The following APLP1 variants were observed in gnomAD, a reference collection of about 807,000 sequenced individuals.
APLP1 encodes the protein amyloid beta (A4) precursor-like protein 1.
A neutral mutation model predicts 84.5 loss-of-function variants in APLP1; 46 were observed. The observed-to-expected ratio is 0.54, with a 90% CI of 0.43 to 0.70. The LOEUF (loss-of-function observed/expected upper bound fraction) is 0.70, where lower values mean the gene tolerates loss of function less well. Ranked by LOEUF, APLP1 falls within the 30% of genes least tolerant of loss-of-function variation. The pLI, the probability that APLP1 is intolerant of heterozygous loss-of-function variation, is 0.00. For missense variants in APLP1, 826 were observed against 900.2 expected (o/e 0.92, Z 1.05); for synonymous variants, 376 against 364.0 (o/e 1.03, Z -0.38).
chr19:35,874,819 C>T lies in APLP1; in HGVS notation c.1294C>T (p.Gln432Ter). The change falls in exon 10 of 17, where the codon CAG becomes TAG. Residue 432 changes from glutamine (Q) to a stop codon, truncating the protein, a stop_gained. Coordinates refer to ENST00000221891, the MANE Select transcript of APLP1 (RefSeq NM_001024807.3). LOFTEE classifies it high-confidence loss of function. The surrounding 1 kb of genome is among the most constrained non-coding windows in gnomAD (Gnocchi z 6.4). ...KEQRHTLRHY[Q>*]HVAAVDPEKA... Reference sequence around the variant, plus strand: ...ACAGAGGCACACGCTGCGCCACTACCAGCATGTGGCCGCCGTGGATCCCGA... The same window carrying T: ...ACAGAGGCACACGCTGCGCCACTACTAGCATGTGGCCGCCGTGGATCCCGA... 1 of 1,612,446 alleles carries T rather than the reference C, an allele frequency of 6.2e-7. No homozygotes were observed. The highest frequency in any genetic ancestry group is 8.5e-7 in the Non-Finnish European group (1 of 1,180,010).
At chr19:35,877,601 C>T in intron 11 of APLP1, 117 bp from the exon 12 acceptor site, 1 of 653,458 alleles carries the variant, frequency 1.5e-6, no homozygotes, top group Non-Finnish European at 2.6e-6. Context: ...TCTGGCTACC[C>T]CACACTTGGG....
chr19:35,872,929 G>A (rs372830094), intron 7 of APLP1, among the ~76,000 whole-genome samples: 20 of 150,960 alleles, frequency 1.3e-4, no homozygotes, highest in Middle Eastern at 3.5e-3. Context: ...GTGCGATCTC[G>A]GCCCACTGCA....
rs538333456 is a variant in APLP1, at chr19:35,879,742, A to C, written c.*301A>C. ...TCCTAGTGTCTATTCCCTGGAATTC[A>C]CCCTCTCATGTTTCCCTACTAACAT... On this transcript the variant is annotated 3_prime_UTR_variant, in exon 17 of 17. Transcript: ENST00000221891. 1.4e-5 allele frequency: 5 copies of C among 363,008 alleles called. No homozygotes were observed. The highest frequency in any genetic ancestry group is 2.5e-5 in the Non-Finnish European group (5 of 200,720). The allele number at this position is 363,008 out of a possible 1,614,324, so 22.5% of individuals were successfully genotyped here. A position where few individuals can be genotyped will look rare whatever the true frequency, so the allele number is the denominator to read the frequency against.
intron 2 of APLP1, chr19:35,870,571 G>A: frequency 3.7e-6 from 1 of 271,684 alleles, no homozygotes; most frequent in South Asian, 4.4e-5. Context: ...ATCACCTGAG[G>A]TCAGAAGTTC....
intron 10 of APLP1, among the ~76,000 whole-genome samples, chr19:35,875,215 A>T (rs230266): frequency 0.11 from 15,103 of 139,180 alleles, 1,596 homozygotes; most frequent in African/African-American, 0.29. Context: ...CAGGCAGGAG[A>T]GCAGTGTGCG....
At position 35,879,092 on chromosome 19, in the gene APLP1, G is replaced by C. The variant is rs753739207; in HGVS notation, c.1732G>C (p.Val578Leu). ...RDELAPAGTG[V>L]SREAVSGLLI... ...CCTGCAGGCACCAGCTGGGACAGGGGTGTCCCGTGAGGCTGTGTCGGGTCT... is the reference window on the plus strand; with the variant it reads ...CCTGCAGGCACCAGCTGGGACAGGGCTGTCCCGTGAGGCTGTGTCGGGTCT... The change falls in exon 16 of 17, where the codon GTG (valine) becomes CTG (leucine). Residue 578 changes from valine (V) to leucine (L), a missense_variant. Physicochemically the swap from Val to Leu is conservative, Grantham distance 32 (BLOSUM62 1). Transcript: ENST00000221891. 1.2e-6 allele frequency: 2 copies of C among 1,612,048 alleles called. No homozygotes were observed. Among genetic ancestry groups the C allele is most frequent in the African/African-American group, 2.7e-5 (2 of 74,920 alleles).
chr19:35,877,635 C>A, intron 11 of APLP1, 83 bp from the exon 12 acceptor site: 1 of 866,510 alleles, frequency 1.2e-6, no homozygotes, highest in Non-Finnish European at 1.8e-6. Context: ...TCTGCATGAT[C>A]TCCCACTTGC....
intron 11 of APLP1, among the ~76,000 whole-genome samples, chr19:35,877,486 C>G (rs1974309367): frequency 7.1e-6 from 1 of 141,806 alleles, no homozygotes; most frequent in Non-Finnish European, 1.5e-5. Flanking sequence ...GAGACTCTGT[C>G]TCAAAAAAAA....
chr19:35,871,054 A>C, intron 3 of APLP1, 26 bp downstream of exon 3: 1 of 1,506,298 alleles, frequency 6.6e-7, no homozygotes, highest in Non-Finnish European at 8.9e-7. Flanking sequence ...GGAGAGGGGA[A>C]CTGAGGTGGG....
Position 35,868,816 on chromosome 19 carries a change from A to C in APLP1, c.147+33A>C. Reference sequence around the variant, plus strand: ...CGGGCCGGGTCCTGGGGGATGGGGGAAGGGGCGGGACCGGGTCTCTGGACG... The same window carrying C: ...CGGGCCGGGTCCTGGGGGATGGGGGCAGGGGCGGGACCGGGTCTCTGGACG... On this transcript the variant is annotated intron_variant, in intron 1 of 16. Transcript: ENST00000221891. This position sits in a 1 kb window ranked among gnomAD's most constrained non-coding sequence, Gnocchi z 5.2. The C allele has an allele frequency of 7.9e-7, 1 of 1,269,256 alleles. No homozygotes were observed. Among genetic ancestry groups the C allele is most frequent in the East Asian group, 3.2e-5 (1 of 31,402 alleles). 78.6% of individuals were successfully genotyped at this position (1,269,256 alleles called of 1,614,324 possible). A position where few individuals can be genotyped will look rare whatever the true frequency, so the allele number is the denominator to read the frequency against.
intron 13 of APLP1, among the ~76,000 whole-genome samples, chr19:35,878,356 G>A (rs537492805): frequency 2.6e-5 from 4 of 152,130 alleles, no homozygotes; most frequent in East Asian, 3.9e-4. Flanking sequence ...GACCAGCCTG[G>A]GCAACATAAT....
chr19:35,872,558 G>C lies in APLP1; in HGVS notation c.926G>C (p.Gly309Ala), dbSNP rs11550993. The C allele has an allele frequency of 2.5e-6, 4 of 1,613,820 alleles. No individual in the cohort carries two copies. In the African/African-American group the frequency reaches 4.0e-5, roughly 16 times the overall value. The change falls in exon 7 of 17, where the codon GGG becomes GCG. Residue 309 changes from glycine to alanine, a missense_variant. This residue lies in a region of APLP1 where 433 missense variants were observed against 496.5 expected (regional missense o/e 0.87). Coordinates refer to ENST00000221891, the MANE Select transcript of APLP1 (RefSeq NM_001024807.3). ...CCTGGGGAAATCAGTGAGCACGAGG[G>C]GTTCCTGAGGGCCAAGATGGACCTG... ...GMPGEISEHE[G>A]FLRAKMDLEE...
Position 35,871,939 on chromosome 19 carries a change from G to A in APLP1, c.753G>A (p.Gln251=). Residue 251 remains glutamine (Q), a synonymous_variant, in exon 6 of 17, where the codon CAG becomes CAA. Coordinates refer to ENST00000221891, the MANE Select transcript of APLP1 (RefSeq NM_001024807.3). The part of the protein sequence containing the change: ...EDEEEEESFP[Q]PVDDYFVEPP... ...AGGAAGAGGAGGAATCCTTCCCACAGCCAGTAGATGATTACTTCGTGGAGC... is the reference window on the plus strand; with the variant it reads ...AGGAAGAGGAGGAATCCTTCCCACAACCAGTAGATGATTACTTCGTGGAGC... 1 of 1,614,174 alleles carries A rather than the reference G, an allele frequency of 6.2e-7. No homozygotes were observed. The highest frequency in any genetic ancestry group is 8.5e-7 in the Non-Finnish European group (1 of 1,180,028).
intron 2 of APLP1, 89 bp downstream of exon 2, chr19:35,869,899 C>A: frequency 6.7e-7 from 1 of 1,483,268 alleles, no homozygotes. Flanking sequence ...CGATCTAAGG[C>A]GTGGAGGCTG....
intron 12 of APLP1, 58 bp downstream of exon 12, chr19:35,877,883 T>C: frequency 6.1e-6 from 9 of 1,464,904 alleles, no homozygotes; most frequent in Non-Finnish European, 8.4e-6. Flanking sequence ...CCAGCCTAAT[T>C]TGTAATCCCC....
chr19:35,871,244 A>C lies in APLP1; in HGVS notation c.432A>C (p.Glu144Asp). 3 of 1,613,310 alleles carry C rather than the reference A, an allele frequency of 1.9e-6. No homozygotes were observed. Among genetic ancestry groups the C allele is most frequent in the Non-Finnish European group, 2.5e-6 (3 of 1,179,708 alleles). Residue 144 changes from glutamate (E) to aspartate (D), a missense_variant, in exon 4 of 17, where the codon GAA (glutamate) becomes GAC (aspartate). Glu to Asp is a conservative substitution (Grantham distance 45). Coordinates refer to ENST00000221891, the MANE Select transcript of APLP1 (RefSeq NM_001024807.3). Reference protein sequence around the residue: ...QVVPFRCLPGEFVSEALLVPE... With the variant: ...QVVPFRCLPGDFVSEALLVPE... ...TGTCCCGTGCTTCCCCAGCTGGTGAATTTGTGAGTGAGGCCCTGCTGGTGC... is the reference window on the plus strand; with the variant it reads ...TGTCCCGTGCTTCCCCAGCTGGTGACTTTGTGAGTGAGGCCCTGCTGGTGC...
At chr19:35,871,471 A>G in intron 4 of APLP1, 122 bp downstream of exon 4, 2 of 1,376,548 alleles carry the variant, frequency 1.5e-6, no homozygotes, top group Non-Finnish European at 2.0e-6. Flanking sequence ...TTGGGATCTA[A>G]GAATTTCATC....
rs867242928 is a variant in APLP1 at position 35,873,524 on chromosome 19, G to A, written c.982-115G>A. ...GGCCTCCCAAAGTGCTGGGATTACA[G>A]GCATGAGCCACTGCGCCCAGCCATG... On this transcript the variant is annotated intron_variant, in intron 7 of 16. Transcript: ENST00000221891. The A allele has an allele frequency of 1.4e-5, 14 of 997,894 alleles. No homozygotes were observed. The Middle Eastern group carries it at 1.0e-3, about 73-fold the overall frequency. 61.8% of individuals were successfully genotyped at this position (997,894 alleles called of 1,614,324 possible).
chr19:35,868,856 T>A lies in APLP1; in HGVS notation c.147+73T>A. 8.2e-7 allele frequency: 1 copy of A among 1,225,608 alleles called. No individual in the cohort carries two copies. Among genetic ancestry groups the A allele is most frequent in the Non-Finnish European group, 1.0e-6 (1 of 971,632 alleles). 75.9% of individuals were successfully genotyped at this position (1,225,608 alleles called of 1,614,324 possible). ...GTCTCTGGACGCCGGCGCGGACATG[T>A]CCAGGGCAGAAAGCGCGGTCTTTCC... is the stretch of plus-strand genomic sequence containing the variant. On this transcript the variant is annotated intron_variant, in intron 1 of 16. Transcript: ENST00000221891. This position sits in a 1 kb window ranked among gnomAD's most constrained non-coding sequence, Gnocchi z 5.2.
Sources: gnomAD v4.1 joint callset for allele counts (sites outside exome capture counted in the v4.1 genomes callset) on GRCh38, gnomAD v4.1.1 for gene constraint, gnomAD v4.1.1 regional missense constraint, Gnocchi (gnomAD v3.1) non-coding constraint, MANE v1.5 for transcripts, NCBI Gene and HGNC (gene_info 2026-07-23, HGNC 2026-07-21) for gene names.